The following SYK variants were observed in gnomAD, a reference collection of about 807,000 sequenced individuals.
SYK encodes the protein spleen associated tyrosine kinase.
SYK carries 16 observed loss-of-function variants against 77.8 expected under a neutral mutation model. The ratio of observed to expected loss-of-function variants is 0.21; its 90% CI spans 0.14 to 0.31. The LOEUF (loss-of-function observed/expected upper bound fraction) is 0.31, where lower values mean the gene tolerates loss of function less well. Among genes scored for constraint, SYK ranks in the 10% least tolerant of loss-of-function variants. The pLI is 1.00. For missense variants in SYK, 529 were observed against 814.4 expected, an observed-to-expected ratio of 0.65 and a Z score of 4.26; for synonymous variants, 312 against 308.7, an observed-to-expected ratio of 1.01 and a Z score of -0.11.
intron 1 of SYK, among the ~76,000 whole-genome samples, chr9:90,839,167 G>C (rs1244767624): frequency 6.6e-6 from 1 of 152,214 alleles, no homozygotes; most frequent in Non-Finnish European, 1.5e-5. Flanking sequence ...CCGGGTGGGT[G>C]CCGGTGGGTG....
At chr9:90,867,240 G>A (rs2118826795) in intron 7 of SYK, 41 bp downstream of exon 7, 1 of 1,602,984 alleles carries the variant, frequency 6.2e-7, no homozygotes, top group Non-Finnish European at 8.5e-7. Context: ...CTAAGTGGTA[G>A]GACCAACGCG....
At chr9:90,854,583 T>C (rs150185896) in intron 3 of SYK, among the ~76,000 whole-genome samples, 1 of 152,280 alleles carries the variant, frequency 6.6e-6, no homozygotes, top group African/African-American at 2.4e-5. Context: ...ATGATAGCTC[T>C]TTAATACATT....
At position 90,845,455 on chromosome 9, in the gene SYK, A is replaced by G. The variant is rs373730562; in HGVS notation, c.439A>G (p.Ile147Val). 1.2e-6 allele frequency: 2 copies of G among 1,614,192 alleles called. No individual in the cohort carries two copies. Among genetic ancestry groups the G allele is most frequent in the Admixed American group, 1.7e-5 (1 of 60,022 alleles). ...GCAGGGTCAGGCTCTGGAGCAGGCCATCATCAGTCAGAAGCCTCAGCTGGA... is the reference window on the plus strand; with the variant it reads ...GCAGGGTCAGGCTCTGGAGCAGGCCGTCATCAGTCAGAAGCCTCAGCTGGA... ...NLQGQALEQA[I>V]ISQKPQLEKL... The change falls in exon 3 of 14, where the codon ATC becomes GTC. Residue 147 changes from isoleucine (I) to valine (V), a missense_variant. Physicochemically the swap from Ile to Val is conservative, Grantham distance 29. This residue lies in a region of SYK where 321 missense variants were observed against 433.1 expected (regional missense o/e 0.74). Coordinates refer to ENST00000375754, the MANE Select transcript of SYK (RefSeq NM_003177.7).
At chr9:90,811,369 G>A (rs763672541) in intron 1 of SYK, among the ~76,000 whole-genome samples, 1 of 152,062 alleles carries the variant, frequency 6.6e-6, no homozygotes, top group Non-Finnish European at 1.5e-5. Flanking sequence ...TAAAACACAA[G>A]TGCTTTCACT....
chr9:90,867,362 C>T (rs1409252282), intron 7 of SYK, among the ~76,000 whole-genome samples, 163 bp downstream of exon 7: 5 of 152,192 alleles, frequency 3.3e-5, no homozygotes, highest in African/African-American at 9.7e-5. Flanking sequence ...CCTGGGCAGC[C>T]GCGCCCCAGG....
chr9:90,813,631 A>G (rs954182884), intron 1 of SYK, among the ~76,000 whole-genome samples: 9 of 152,220 alleles, frequency 5.9e-5, no homozygotes, highest in African/African-American at 1.4e-4. Flanking sequence ...CAAAGCACCA[A>G]TCAGACTGGC....
At chr9:90,849,643 G>A (rs1286963371) in intron 3 of SYK, among the ~76,000 whole-genome samples, 1 of 152,202 alleles carries the variant, frequency 6.6e-6, no homozygotes, top group African/African-American at 2.4e-5. Flanking sequence ...ACATGACACT[G>A]CGCACTCTAT....
At chr9:90,810,755 G>C (rs1343428649) in intron 1 of SYK, among the ~76,000 whole-genome samples, 1 of 152,184 alleles carries the variant, frequency 6.6e-6, no homozygotes, top group African/African-American at 2.4e-5. Context: ...AACTTAAAGA[G>C]AGAGAGACTT....
intron 11 of SYK, among the ~76,000 whole-genome samples, chr9:90,884,712 CACAT>C (rs1340967172): frequency 1.5e-4 from 5 of 34,282 alleles, no homozygotes; most frequent in Non-Finnish European, 4.6e-5. Context: ...TGTACATATA[CACAT>C]ATACACATAT....
intron 4 of SYK, 97 bp downstream of exon 4, chr9:90,862,441 C>A: frequency 7.1e-7 from 1 of 1,408,990 alleles, no homozygotes; most frequent in Non-Finnish European, 9.5e-7. Context: ...CTGGACCACC[C>A]ACTGCCCACA....
chr9:90,866,731 T>C (rs1827513550), intron 6 of SYK, among the ~76,000 whole-genome samples: 1 of 152,202 alleles, frequency 6.6e-6, no homozygotes, highest in African/African-American at 2.4e-5. Flanking sequence ...ACTCAATTAA[T>C]TTCCACAAAA....
At chr9:90,864,952 A>G (rs1827422595) in intron 5 of SYK, 96 bp from the exon 6 acceptor site, 1 of 1,253,722 alleles carries the variant, frequency 8.0e-7, no homozygotes, top group African/African-American at 1.5e-5. Flanking sequence ...CTCAAGCAGC[A>G]GCACATCCTG....
chr9:90,845,752 T>C (rs777280110), intron 3 of SYK, among the ~76,000 whole-genome samples, 158 bp downstream of exon 3: 1 of 152,230 alleles, frequency 6.6e-6, no homozygotes, highest in African/African-American at 2.4e-5. Context: ...AAGACATTTC[T>C]AACCAAAGCT....
At chr9:90,888,911 A>T (rs1828682989) in intron 13 of SYK, among the ~76,000 whole-genome samples, 1 of 152,194 alleles carries the variant, frequency 6.6e-6, no homozygotes, top group African/African-American at 2.4e-5. Context: ...GGGCAGTCAA[A>T]GTAAAAAAGT....
At chr9:90,806,271 T>C (rs558325780) in intron 1 of SYK, among the ~76,000 whole-genome samples, 1 of 152,352 alleles carries the variant, frequency 6.6e-6, no homozygotes, top group South Asian at 2.1e-4. Context: ...CGGTTCCATT[T>C]TTCTTTCTTT....
At chr9:90,841,558 T>C (rs1404592379) in intron 1 of SYK, among the ~76,000 whole-genome samples, 1 of 79,830 alleles carries the variant, frequency 1.3e-5, no homozygotes, top group African/African-American at 3.9e-5. Context: ...GTGTGTGGTG[T>C]AGTGTGTGTG....
chr9:90,894,100 A>G (rs969130442), intron 13 of SYK, among the ~76,000 whole-genome samples: 3 of 152,254 alleles, frequency 2.0e-5, no homozygotes, highest in African/African-American at 7.2e-5. Flanking sequence ...GCTGCTGGGC[A>G]GATGAACCCC....
At chr9:90,805,052 G>T (rs2118239270) in intron 1 of SYK, among the ~76,000 whole-genome samples, 1 of 152,222 alleles carries the variant, frequency 6.6e-6, no homozygotes, top group East Asian at 1.9e-4. Flanking sequence ...ATTTAGCCAA[G>T]ACCAAAGATA....
At chr9:90,865,933 C>T (rs574979170) in intron 6 of SYK, among the ~76,000 whole-genome samples, 1 of 123,364 alleles carries the variant, frequency 8.1e-6, no homozygotes, top group Admixed American at 1.1e-4. Flanking sequence ...GAGTCTCGCT[C>T]TGTTGCCCAG....
Sources: allele counts gnomAD v4.1 joint callset (sites outside exome capture counted in the v4.1 genomes callset), GRCh38; gene constraint gnomAD v4.1.1; regional missense constraint gnomAD v4.1.1; transcripts MANE v1.5; gene names NCBI Gene and HGNC (gene_info 2026-07-23, HGNC 2026-07-21).